The following PDGFB variants were observed in gnomAD, a reference collection of about 807,000 sequenced individuals.
PDGFB encodes the protein platelet-derived growth factor subunit B.
In PDGFB, 6 loss-of-function variants were observed where a neutral mutation model predicts 29.0. The observed-to-expected ratio is 0.21, with a 90% CI of 0.11 to 0.41. PDGFB has a LOEUF of 0.41. PDGFB is among the 10% of genes least tolerant of loss of function. The pLI is 1.00. For missense variants in PDGFB, 299 were observed against 341.8 expected (o/e 0.87, Z 0.99); for synonymous variants, 144 against 140.8 (o/e 1.02, Z -0.16).
chr22:39,235,703 C>T, intron 2 of PDGFB, 75 bp downstream of exon 2: 4 of 1,016,792 alleles, frequency 3.9e-6, no homozygotes, highest in Non-Finnish European at 3.0e-6. Context: ...AGGAGGGATG[C>T]CTCCTGTCCT....
Position 39,243,983 on chromosome 22 carries a change from C to T in PDGFB, c.-20G>A, listed in dbSNP as rs775482940. On this transcript the variant is annotated 5_prime_UTR_variant, in exon 1 of 7. Coordinates refer to ENST00000331163, the MANE Select transcript of PDGFB (RefSeq NM_002608.4). This position sits in a 1 kb window ranked among gnomAD's most constrained non-coding sequence, Gnocchi z 6.4. ...ATTCATGCCGACTCCGGGCCCGGCC[C>T]CGCGGGGCCCCGGACGCGTAGATCG... 3.2e-6 allele frequency: 5 copies of T among 1,565,454 alleles called. No homozygotes were observed. Among genetic ancestry groups the T allele is most frequent in the African/African-American group, 2.7e-5 (2 of 72,742 alleles).
chr22:39,238,399 T>C (rs1392737132), intron 1 of PDGFB, among the ~76,000 whole-genome samples: 2 of 152,002 alleles, frequency 1.3e-5, no homozygotes, highest in Non-Finnish European at 2.9e-5. Flanking sequence ...AAGATGCTTT[T>C]GGTAATGTGG....
At chr22:39,233,353 TC>T (rs1932357300) in intron 3 of PDGFB, 81 bp downstream of exon 3, 7 of 1,049,858 alleles carry the variant, frequency 6.7e-6, no homozygotes, top group South Asian at 5.8e-5. Context: ...CTCGGGGCCC[TC>T]CGACTGGCTG....
At chr22:39,226,784 C>CGGGTCA (rs1932177740) in intron 5 of PDGFB, among the ~76,000 whole-genome samples, 1 of 152,170 alleles carries the variant, frequency 6.6e-6, no homozygotes, top group Admixed American at 6.5e-5. Flanking sequence ...GCTGGGCCTT[C>CGGGTCA]GGGTCAGTTG....
At position 39,225,799 on chromosome 22, in the gene PDGFB, C is replaced by T. The variant is rs769275399; in HGVS notation, c.650G>A (p.Arg217Gln). 43 of 1,613,934 alleles carry T rather than the reference C, an allele frequency of 2.7e-5. No homozygotes were observed. The highest frequency in any genetic ancestry group is 9.9e-5 in the South Asian group (9 of 91,082). The stretch of plus-strand genomic sequence containing the variant: ...TTTCCGGTGCTTGCCCTTGGGGGGC[C>T]GGCGGACTCGCACCGTCCGAATGGT... ...RVTIRTVRVR[R>Q]PPKGKHRKFK... The change falls in exon 6 of 7, where the codon CGG becomes CAG. Residue 217 changes from arginine (R) to glutamine (Q), a missense_variant. Coordinates refer to ENST00000331163, the MANE Select transcript of PDGFB (RefSeq NM_002608.4).
At position 39,242,500 on chromosome 22, in the gene PDGFB, G is replaced by A. The variant is rs1320870938; in HGVS notation, c.63+1401C>T. On this transcript the variant is annotated intron_variant, in intron 1 of 6. Coordinates refer to ENST00000331163, the MANE Select transcript of PDGFB (RefSeq NM_002608.4). The surrounding 1 kb of genome is among the most constrained non-coding windows in gnomAD (Gnocchi z 5.7). Reference sequence around the variant, plus strand: ...GCGGGAGAGGCGGAGAGGGGGCGTCGGGAGGGGCCTGAAGGCGGCCCGGCC... The same window carrying A: ...GCGGGAGAGGCGGAGAGGGGGCGTCAGGAGGGGCCTGAAGGCGGCCCGGCC... 6.7e-6 allele frequency among the ~76,000 whole-genome samples: 1 copy of A among 150,334 alleles called. No homozygotes were observed. The highest frequency in any genetic ancestry group is 1.5e-5 in the Non-Finnish European group (1 of 67,372).
chr22:39,240,815 A>C (rs778283799), intron 1 of PDGFB: 6 of 1,610,154 alleles, frequency 3.7e-6, no homozygotes, highest in Middle Eastern at 1.6e-4. Context: ...GAGGCTCCTC[A>C]ATGTGGGGAG....
intron 1 of PDGFB, among the ~76,000 whole-genome samples, chr22:39,239,841 C>T (rs1932526677): frequency 7.2e-6 from 1 of 138,978 alleles, no homozygotes; most frequent in Admixed American, 7.8e-5. Flanking sequence ...CCCCACCCTC[C>T]TCCTGGGCCC....
Position 39,242,761 on chromosome 22 carries a change from G to T in PDGFB, c.63+1140C>A, listed in dbSNP as rs917640884. Among the ~76,000 whole-genome samples, 46 of 152,204 alleles carry T rather than the reference G, an allele frequency of 3.0e-4. No individual in the cohort carries two copies. Among genetic ancestry groups the T allele is most frequent in the African/African-American group, 1.1e-3 (44 of 41,564 alleles). Reference sequence around the variant, plus strand: ...TGCCTCCTTCCTGCGCCTGGCTGGAGGCCGCAGGGGCCGACCCTCCCCGGG... The same window carrying T: ...TGCCTCCTTCCTGCGCCTGGCTGGATGCCGCAGGGGCCGACCCTCCCCGGG... On this transcript the variant is annotated intron_variant, in intron 1 of 6. Transcript: ENST00000331163. The surrounding 1 kb of genome is among the most constrained non-coding windows in gnomAD (Gnocchi z 5.7).
chr22:39,228,655 G>A (rs949775440), intron 5 of PDGFB, among the ~76,000 whole-genome samples: 3 of 152,034 alleles, frequency 2.0e-5, no homozygotes, highest in Non-Finnish European at 4.4e-5. Context: ...TTGGGAGGCC[G>A]AGGCAGGTGG....
At chr22:39,226,352 A>T (rs1601594878) in intron 5 of PDGFB, among the ~76,000 whole-genome samples, 1 of 151,918 alleles carries the variant, frequency 6.6e-6, no homozygotes, top group Non-Finnish European at 1.5e-5. Flanking sequence ...GCTTTGGGGG[A>T]CCCTGGGCTG....
chr22:39,234,630 T>C (rs1932396415), intron 2 of PDGFB, among the ~76,000 whole-genome samples: 1 of 152,244 alleles, frequency 6.6e-6, no homozygotes, highest in South Asian at 2.1e-4. Context: ...AACGAGCCTA[T>C]CTGTCCCTCT....
At position 39,231,670 on chromosome 22, in the gene PDGFB, G is replaced by A. The variant is rs1448873212; in HGVS notation, c.408C>T (p.Asn136=). The A allele has an allele frequency of 2.5e-6, 4 of 1,595,134 alleles. No individual in the cohort carries two copies. In the East Asian group the frequency reaches 6.8e-5, roughly 27 times the overall value. ...GGGTGGGGCGGCACTGCACGTTGCG[G>A]TTGTTGCAGCAGCCGGAGCAGCGCT... is the stretch of plus-strand genomic sequence containing the variant. ...EVQRCSGCCN[N]RNVQCRPTQV... is the part of the protein sequence containing the mutation. Residue 136 remains asparagine (N), a synonymous_variant, in exon 4 of 7, where the codon AAC becomes AAT. Transcript: ENST00000331163. This position sits in a 1 kb window ranked among gnomAD's most constrained non-coding sequence, Gnocchi z 4.3.
intron 1 of PDGFB, among the ~76,000 whole-genome samples, chr22:39,240,272 C>T (rs1030881286): frequency 1.3e-5 from 2 of 152,156 alleles, no homozygotes; most frequent in African/African-American, 2.4e-5. Flanking sequence ...CTGCCCATCC[C>T]CATCCCAGCC....
chr22:39,231,606 C>T lies in PDGFB; in HGVS notation c.456+16G>A, dbSNP rs546833271. ...ACCACCGGGACCAGCCTCGGGGGGC[C>T]GCGGAGCCTACGCACCTGGACAGGT... is the stretch of plus-strand genomic sequence containing the variant. On this transcript the variant is annotated intron_variant, in intron 4 of 6. Transcript: ENST00000331163. The surrounding 1 kb of genome is among the most constrained non-coding windows in gnomAD (Gnocchi z 4.3). The T allele has an allele frequency of 2.4e-5, 37 of 1,529,226 alleles. No individual in the cohort carries two copies. The highest frequency in any genetic ancestry group is 1.6e-4 in the African/African-American group (12 of 73,086). 94.7% of individuals were successfully genotyped at this position (1,529,226 alleles called of 1,614,324 possible). A position where few individuals can be genotyped will look rare whatever the true frequency, so the allele number is the denominator to read the frequency against.
At chr22:39,226,161 A>G (rs1932160555) in intron 5 of PDGFB, among the ~76,000 whole-genome samples, 1 of 152,178 alleles carries the variant, frequency 6.6e-6, no homozygotes, top group South Asian at 2.1e-4. Context: ...CTGGACACAG[A>G]GCCGGGTAGA....
At position 39,242,076 on chromosome 22, in the gene PDGFB, GT is replaced by G. The variant is rs1932579573; in HGVS notation, c.63+1824del. Reference sequence around the variant, plus strand: ...GCGCTGGGTGCACGGGGGCCCGTGCGTGCCTGTGTACGTGCGTGGGTGTGCG... The same window carrying G: ...GCGCTGGGTGCACGGGGGCCCGTGCGGCCTGTGTACGTGCGTGGGTGTGCG... On this transcript the variant is annotated intron_variant, in intron 1 of 6. Coordinates refer to ENST00000331163, the MANE Select transcript of PDGFB (RefSeq NM_002608.4). This position sits in a 1 kb window ranked among gnomAD's most constrained non-coding sequence, Gnocchi z 5.7. 3 of 230,498 alleles carry G rather than the reference GT, an allele frequency of 1.3e-5. No homozygotes were observed. The Admixed American group carries it at 1.7e-4, about 13-fold the overall frequency. 14.3% of individuals were successfully genotyped at this position (230,498 alleles called of 1,614,324 possible).
In PDGFB at chr22:39,242,070, C is replaced by A. The variant is rs1932579237; in HGVS notation, c.63+1831G>T. On this transcript the variant is annotated intron_variant, in intron 1 of 6. Coordinates refer to ENST00000331163, the MANE Select transcript of PDGFB (RefSeq NM_002608.4). This position sits in a 1 kb window ranked among gnomAD's most constrained non-coding sequence, Gnocchi z 5.7. ...CACCAGGCGCTGGGTGCACGGGGGC[C>A]CGTGCGTGCCTGTGTACGTGCGTGG... The A allele has an allele frequency of 4.3e-6, 1 of 230,564 alleles. No homozygotes were observed. The highest frequency in any genetic ancestry group is 8.6e-6 in the Non-Finnish European group (1 of 116,380). The allele number at this position is 230,564 out of a possible 1,614,324, so 14.3% of individuals were successfully genotyped here.
intron 2 of PDGFB, 127 bp from the exon 3 acceptor site, chr22:39,233,651 C>T: frequency 1.7e-6 from 1 of 586,874 alleles, no homozygotes; most frequent in Non-Finnish European, 2.9e-6. Context: ...CTCCTTCCAG[C>T]CCCCATAAAT....
Sources: allele counts gnomAD v4.1 joint callset (sites outside exome capture counted in the v4.1 genomes callset), GRCh38; gene constraint gnomAD v4.1.1; non-coding constraint Gnocchi (gnomAD v3.1); transcripts MANE v1.5; gene names NCBI Gene and HGNC (gene_info 2026-07-23, HGNC 2026-07-21).